TDRD9: variants seen among roughly 807,000 people sequenced by gnomAD.
TDRD9 encodes the protein ATP-dependent RNA helicase TDRD9.
In TDRD9, 124 loss-of-function variants were observed where a neutral mutation model predicts 172.6. The observed-to-expected ratio is 0.72, with a 90% CI of 0.62 to 0.83. The LOEUF is 0.83. TDRD9 is among the 40% of genes least tolerant of loss of function. TDRD9 has a pLI of 0.00. For missense variants in TDRD9, 1,479 were observed against 1,714.1 expected (o/e 0.86, Z 2.42); for synonymous variants, 619 against 617.1 (o/e 1.00, Z -0.05).
At chr14:103,944,992 G>T (rs1054811168) in intron 1 of TDRD9, among the ~76,000 whole-genome samples, 1 of 152,184 alleles carries the variant, frequency 6.6e-6, no homozygotes, top group Non-Finnish European at 1.5e-5. Context: ...AGGGGCTGGG[G>T]TGTAGCAGTG....
intron 32 of TDRD9, among the ~76,000 whole-genome samples, chr14:104,037,663 G>T (rs1169908539): frequency 6.6e-6 from 1 of 152,118 alleles, no homozygotes; most frequent in African/African-American, 2.4e-5. Context: ...CCCCTTCTTT[G>T]CCAACTGGCT....
intron 7 of TDRD9, among the ~76,000 whole-genome samples, chr14:103,977,632 T>TTC (rs2033306162): frequency 7.3e-6 from 1 of 137,464 alleles, no homozygotes; most frequent in Non-Finnish European, 1.6e-5. Context: ...ATTTCTTTCT[T>TTC]TTTTTTTTTT....
intron 34 of TDRD9, among the ~76,000 whole-genome samples, chr14:104,044,958 C>G (rs113914334): frequency 0.048 from 7,309 of 152,224 alleles, 254 homozygotes; most frequent in East Asian, 0.07. Context: ...GCCTGGCCAA[C>G]ATGGTAAAAC....
chr14:103,956,544 A>AG (rs2032252287), intron 2 of TDRD9, among the ~76,000 whole-genome samples: 1 of 152,196 alleles, frequency 6.6e-6, no homozygotes, highest in Admixed American at 6.5e-5. Context: ...GGAGAGGCTG[A>AG]GGCAAGAGAA....
chr14:104,006,541 A>G lies in TDRD9; in HGVS notation c.1866A>G (p.Glu622=), dbSNP rs551622818. The G allele has an allele frequency of 1.2e-6, 2 of 1,613,724 alleles. No individual in the cohort carries two copies. The highest frequency in any genetic ancestry group is 1.7e-6 in the Non-Finnish European group (2 of 1,179,672). The change falls in exon 16 of 36, where the codon GAA becomes GAG. Residue 622 remains glutamate (E), a synonymous_variant. Transcript: ENST00000409874. ...GACATGTATTTGGATGTCTAGATGA[A>G]TGTCTTATTATAGGTAAGTGTGAGA... ...VLGHVFGCLD[E]CLIIAAALSL... is the part of the protein sequence containing the mutation.
In TDRD9 at chr14:104,026,029, A is replaced by T; in HGVS notation, c.2932-18A>T. 6.5e-7 allele frequency: 1 copy of T among 1,535,846 alleles called. No individual in the cohort carries two copies. The highest frequency in any genetic ancestry group is 9.0e-7 in the Non-Finnish European group (1 of 1,108,798). ...TTTTTGACCCCGTCGTAAAGTGTAT[A>T]CTTGCTTTATTTTCTAGGTATTCTT... is the stretch of plus-strand genomic sequence containing the variant. On this transcript the variant is annotated intron_variant, in intron 26 of 35. Transcript: ENST00000409874.
chr14:104,033,043 G>A (rs750139903), intron 30 of TDRD9, among the ~76,000 whole-genome samples: 16 of 148,800 alleles, frequency 1.1e-4, no homozygotes, highest in Non-Finnish European at 2.1e-4. Context: ...AGTAAGTTTA[G>A]TAAGATTGGA....
At chr14:104,004,472 G>A (rs1190381364) in intron 14 of TDRD9, 137 bp downstream of exon 14, 7 of 477,098 alleles carry the variant, frequency 1.5e-5, no homozygotes, top group Non-Finnish European at 2.7e-5. Context: ...TCTGCCTCCC[G>A]GGTTTACGCG....
At chr14:104,038,650 A>G (rs947114487) in intron 32 of TDRD9, among the ~76,000 whole-genome samples, 1 of 152,034 alleles carries the variant, frequency 6.6e-6, no homozygotes, top group Non-Finnish European at 1.5e-5. Flanking sequence ...GGGTCCTGAG[A>G]ATGAGCCAGG....
intron 1 of TDRD9, among the ~76,000 whole-genome samples, chr14:103,938,315 G>A (rs892779695): frequency 6.7e-6 from 1 of 149,660 alleles, no homozygotes; most frequent in African/African-American, 2.5e-5. Context: ...CTGAACGAAT[G>A]CTGCTTTTTC....
Position 103,938,382 on chromosome 14 carries a change from ATGTGTGTGTGTGTGTG to A in TDRD9, c.215+9676_215+9691del, listed in dbSNP as rs71126086. Among the ~76,000 whole-genome samples, 12 of 38,592 alleles carry A rather than the reference ATGTGTGTGTGTGTGTG, an allele frequency of 3.1e-4. No individual in the cohort carries two copies. In the South Asian group the frequency reaches 5.1e-3, roughly 16 times the overall value. 25.3% of individuals were successfully genotyped at this position (38,592 alleles called of 152,430 possible). ...TCCCCTTCCCACCTGTGCCCCATATATGTGTGTGTGTGTGTGTGTGTGTGTGTGTGTGTATATATAT... is the reference window on the plus strand; with the variant it reads ...TCCCCTTCCCACCTGTGCCCCATATATGTGTGTGTGTGTGTGTATATATAT... On this transcript the variant is annotated intron_variant, in intron 1 of 35. Coordinates refer to ENST00000409874, the MANE Select transcript of TDRD9 (RefSeq NM_153046.3).
chr14:104,019,490 T>G (rs2034890444), intron 23 of TDRD9, among the ~76,000 whole-genome samples: 1 of 152,140 alleles, frequency 6.6e-6, no homozygotes, highest in African/African-American at 2.4e-5. Flanking sequence ...TGTTTATATC[T>G]TTTGCATTCC....
intron 13 of TDRD9, 120 bp from the exon 14 acceptor site, chr14:104,004,118 C>G: frequency 2.0e-6 from 1 of 490,322 alleles, no homozygotes. Context: ...CTGACATAGT[C>G]TGGTGGAAGA....
Position 103,963,092 on chromosome 14 carries a change from T to G in TDRD9, c.336T>G (p.Ser112=), listed in dbSNP as rs762587570. 6.5e-7 allele frequency: 1 copy of G among 1,545,692 alleles called. No homozygotes were observed. The part of the protein sequence containing the change: ...QPTSGPGPRP[S]LAKLSSVTCI... ...GCCTTAATCCAGGTCCAAGGCCATC[T>G]TTGGCTAAATTAAGCAGTGTGACAT... The change falls in exon 3 of 36, where the codon TCT becomes TCG. Residue 112 remains serine, a synonymous_variant. Transcript: ENST00000409874.
chr14:103,965,811 G>A (rs2032716965), intron 4 of TDRD9, among the ~76,000 whole-genome samples: 1 of 151,768 alleles, frequency 6.6e-6, no homozygotes, highest in Admixed American at 6.6e-5. Flanking sequence ...CGGATGTGGT[G>A]GTGCATGCCT....
chr14:104,016,059 G>A lies in TDRD9; in HGVS notation c.2302G>A (p.Ala768Thr). ...PDEEMAVREL[A>T]GKDPKTTVVL... is the part of the protein sequence containing the mutation. ...TGAGGAGATGGCGGTGAGGGAGCTG[G>A]CTGGCAAGGACCCCAAGACAACTGT... Residue 768 changes from alanine to threonine, a missense_variant, in exon 22 of 36, where the codon GCT (alanine) becomes ACT (threonine). Physicochemically the swap from Ala to Thr is moderately conservative, Grantham distance 58. Coordinates refer to ENST00000409874, the MANE Select transcript of TDRD9 (RefSeq NM_153046.3). 6.2e-7 allele frequency: 1 copy of A among 1,604,308 alleles called. No individual in the cohort carries two copies. The highest frequency in any genetic ancestry group is 8.5e-7 in the Non-Finnish European group (1 of 1,175,666).
At chr14:104,025,852 A>G in intron 26 of TDRD9, 76 bp downstream of exon 26, 1 of 1,270,562 alleles carries the variant, frequency 7.9e-7, no homozygotes, top group South Asian at 1.3e-5. Flanking sequence ...AATATCTTTT[A>G]TAATTGTAGG....
intron 32 of TDRD9, among the ~76,000 whole-genome samples, chr14:104,037,672 C>T (rs2035492145): frequency 6.6e-6 from 1 of 152,194 alleles, no homozygotes; most frequent in South Asian, 2.1e-4. Context: ...TGCCAACTGG[C>T]TGTGGACTGA....
At chr14:104,018,824 C>T in intron 23 of TDRD9, among the ~76,000 whole-genome samples, 1 of 152,142 alleles carries the variant, frequency 6.6e-6, no homozygotes. Context: ...TTTAACTTTA[C>T]AAAGCTTTGT....
Sources: gnomAD v4.1 joint callset for allele counts (sites outside exome capture counted in the v4.1 genomes callset) on GRCh38, gnomAD v4.1.1 for gene constraint, MANE v1.5 for transcripts, NCBI Gene and HGNC (gene_info 2026-07-23, HGNC 2026-07-21) for gene names.